The following TCP11L2 variants were observed in gnomAD, a reference collection of about 807,000 sequenced individuals.
The protein encoded by TCP11L2 is T-complex protein 11-like protein 2.
A neutral mutation model predicts 50.7 loss-of-function variants in TCP11L2; 39 were observed. That is an observed-to-expected ratio of 0.77 (90% CI 0.60 to 1.01). The LOEUF (loss-of-function observed/expected upper bound fraction) is 1.01, where lower values mean the gene tolerates loss of function less well. Among genes scored for constraint, TCP11L2 ranks in the 50% least tolerant of loss-of-function variants. TCP11L2 has a pLI of 0.00. For missense variants in TCP11L2, 612 were observed against 614.7 expected (o/e 1.00, Z 0.05); for synonymous variants, 192 against 219.3 (o/e 0.88, Z 1.10).
At chr12:106,314,572 TGTGTGAGAGAGAGA>T (rs1245734605) in intron 3 of TCP11L2, 79 bp downstream of exon 3, 142 of 840,898 alleles carry the variant, frequency 1.7e-4, no homozygotes, top group Middle Eastern at 1.6e-3. Context: ...TGTGTGTGTG[TGTGTGAGAGAGAGA>T]GAGAGAGAGA....
intron 1 of TCP11L2, among the ~76,000 whole-genome samples, chr12:106,304,476 T>C (rs1194784354): frequency 2.0e-5 from 3 of 152,254 alleles, no homozygotes; most frequent in Admixed American, 2.0e-4. Context: ...TTGCTGTGGA[T>C]GAATAACTTT....
At chr12:106,318,750 G>A (rs2035198960) in intron 4 of TCP11L2, among the ~76,000 whole-genome samples, 1 of 152,168 alleles carries the variant, frequency 6.6e-6, no homozygotes, top group African/African-American at 2.4e-5. Flanking sequence ...TCGCTCTGTT[G>A]CCTAGGCTGG....
chr12:106,312,315 A>G (rs2034892811), intron 2 of TCP11L2: 1 of 685,086 alleles, frequency 1.5e-6, no homozygotes, highest in African/African-American at 2.0e-5. Flanking sequence ...ATCTTACTGC[A>G]TGAAGCCTTT....
chr12:106,346,502 A>G lies in TCP11L2; in HGVS notation c.1532A>G (p.Lys511Arg). The part of the protein sequence containing the change: ...KLLFNEEAMG[K>R]VDASPPTN Reference sequence around the variant, plus strand: ...CTCTTCAATGAGGAAGCCATGGGGAAGGTAGATGCTTCACCTCCTACTAAC... The same window carrying G: ...CTCTTCAATGAGGAAGCCATGGGGAGGGTAGATGCTTCACCTCCTACTAAC... The change falls in exon 10 of 10, where the codon AAG becomes AGG. Residue 511 changes from lysine (K) to arginine (R), a missense_variant. Lys to Arg is a conservative substitution (Grantham distance 26). Coordinates refer to ENST00000299045, the MANE Select transcript of TCP11L2 (RefSeq NM_152772.3). 1.2e-6 allele frequency: 2 copies of G among 1,613,916 alleles called. No homozygotes were observed. The highest frequency in any genetic ancestry group is 1.7e-6 in the Non-Finnish European group (2 of 1,179,906).
At chr12:106,302,397 GCCCCCGCTCAGCCCCCGCTCC>G (rs1210912773), upstream of TCP11L2, among the ~76,000 whole-genome samples, 1 of 66,826 alleles carries the variant, frequency 1.5e-5, no homozygotes, top group East Asian at 3.9e-4. Flanking sequence ...CCCCCGCTCA[GCCCCCGCTCAGCCCCCGCTCC>G]CCCACTCGGC....
intron 1 of TCP11L2, among the ~76,000 whole-genome samples, chr12:106,304,833 C>T (rs1033532949): frequency 5.3e-5 from 8 of 152,116 alleles, no homozygotes; most frequent in African/African-American, 1.4e-4. Context: ...AGGGATTTTG[C>T]GGTGCATAAA....
chr12:106,329,773 C>A, intron 6 of TCP11L2: 1 of 996,954 alleles, frequency 1.0e-6, no homozygotes. Context: ...TAATTATATT[C>A]ACGATGATTT....
chr12:106,311,268 G>C (rs1278628188), intron 2 of TCP11L2, 36 bp downstream of exon 2: 1 of 1,605,468 alleles, frequency 6.2e-7, no homozygotes, highest in African/African-American at 1.3e-5. Context: ...GTGGGTGGCA[G>C]GGGTACTTCT....
chr12:106,343,289 A>G (rs1275501747), intron 9 of TCP11L2, among the ~76,000 whole-genome samples: 1 of 152,244 alleles, frequency 6.6e-6, no homozygotes, highest in Non-Finnish European at 1.5e-5. Flanking sequence ...CGTTTGGATC[A>G]TATCTGTGAT....
chr12:106,329,591 C>T (rs2035675866), intron 6 of TCP11L2: 3 of 1,368,648 alleles, frequency 2.2e-6, no homozygotes, highest in Non-Finnish European at 2.8e-6. Context: ...GAGCTGTGCC[C>T]ATGAACTCTT....
chr12:106,334,539 T>A (rs1180414622), intron 6 of TCP11L2, among the ~76,000 whole-genome samples: 3 of 152,124 alleles, frequency 2.0e-5, no homozygotes, highest in African/African-American at 7.2e-5. Flanking sequence ...ATCCATTCAC[T>A]CTCTTGTTTG....
rs1222360916 is a variant in TCP11L2, at chr12:106,321,720, C to T, written c.635+14C>T. 1.2e-6 allele frequency: 2 copies of T among 1,610,118 alleles called. No homozygotes were observed. The highest frequency in any genetic ancestry group is 1.7e-6 in the Non-Finnish European group (2 of 1,176,850). ...GGAGGTGCTGAGGTTAGCACTTTTG[C>T]TGTTTGCATTTCCTAGAGTATCTTT... On this transcript the variant is annotated intron_variant, in intron 5 of 9. Transcript: ENST00000299045.
At chr12:106,309,410 G>A (rs999580198) in intron 1 of TCP11L2, among the ~76,000 whole-genome samples, 6 of 151,974 alleles carry the variant, frequency 3.9e-5, no homozygotes, top group Non-Finnish European at 8.8e-5. Context: ...GCCTGCACAA[G>A]TGGACTCTAG....
At chr12:106,330,352 T>G in intron 6 of TCP11L2, 2 of 982,592 alleles carry the variant, frequency 2.0e-6, no homozygotes, top group Non-Finnish European at 2.4e-6. Flanking sequence ...CGTGGTTCTC[T>G]TAGGGGTGAT....
At chr12:106,313,829 G>A (rs960156036) in intron 2 of TCP11L2, among the ~76,000 whole-genome samples, 1 of 141,320 alleles carries the variant, frequency 7.1e-6, no homozygotes, top group African/African-American at 2.7e-5. Flanking sequence ...GCAGTGGCAC[G>A]ATCTTGGCTC....
chr12:106,302,416 T>TC (rs1555199792), upstream of TCP11L2, among the ~76,000 whole-genome samples: 1 of 115,920 alleles, frequency 8.6e-6, no homozygotes. Context: ...CAGCCCCCGC[T>TC]CCCCCACTCG....
In TCP11L2 at chr12:106,346,317, A is replaced by T; in HGVS notation, c.1347A>T (p.Leu449=). 1 of 1,613,146 alleles carries T rather than the reference A, an allele frequency of 6.2e-7. No individual in the cohort carries two copies. Among genetic ancestry groups the T allele is most frequent in the Non-Finnish European group, 8.5e-7 (1 of 1,179,358 alleles). Residue 449 remains leucine, a synonymous_variant, in exon 10 of 10, where the codon CTA becomes CTT. Coordinates refer to ENST00000299045, the MANE Select transcript of TCP11L2 (RefSeq NM_152772.3). ...GAATTAAGCTTTACATGAGAAGGCT[A>T]CTTTGTCTTCCAAGCCCTCAAAAAT... The part of the protein sequence containing the change: ...DKRIKLYMRR[L]LCLPSPQKCM...
intron 8 of TCP11L2, 30 bp from the exon 9 acceptor site, chr12:106,340,796 C>T (rs1290246027): frequency 1.3e-6 from 2 of 1,540,200 alleles, no homozygotes; most frequent in African/African-American, 1.4e-5. Context: ...AAAAACTTTC[C>T]CTGGTGGAAT....
chr12:106,321,364 C>A, intron 4 of TCP11L2, 122 bp from the exon 5 acceptor site: 1 of 794,630 alleles, frequency 1.3e-6, no homozygotes. Context: ...TCAGTGCCAA[C>A]TTCTGTGGCA....
Sources: gnomAD v4.1 joint callset for allele counts (sites outside exome capture counted in the v4.1 genomes callset) on GRCh38, gnomAD v4.1.1 for gene constraint, MANE v1.5 for transcripts, NCBI Gene and HGNC (gene_info 2026-07-23, HGNC 2026-07-21) for gene names.